RBFOX1: variants seen among roughly 807,000 people sequenced by gnomAD.
RBFOX1 encodes the protein RNA binding protein fox-1 homolog 1.
In RBFOX1, 8 loss-of-function variants were observed where a neutral mutation model predicts 57.7. The ratio of observed to expected loss-of-function variants is 0.14; its 90% CI spans 0.08 to 0.25. The LOEUF (loss-of-function observed/expected upper bound fraction) is 0.25. Among genes scored for constraint, RBFOX1 ranks in the 10% least tolerant of loss-of-function variants. The pLI, the probability that RBFOX1 is intolerant of heterozygous loss-of-function variation, is 1.00. For synonymous variants in RBFOX1, 326 were observed against 222.4 expected (o/e 1.47, Z -4.15); for missense variants, 611 against 548.5 (o/e 1.11, Z -1.14).
At chr16:6,568,126 C>T (rs925443071) in intron 2 of RBFOX1, among the ~76,000 whole-genome samples, 1 of 152,104 alleles carries the variant, frequency 6.6e-6, no homozygotes, top group African/African-American at 2.4e-5. Context: ...TTATCTAATA[C>T]CATGTAACAA....
intron 3 of RBFOX1, among the ~76,000 whole-genome samples, chr16:6,845,740 A>T (rs993046908): frequency 6.6e-6 from 1 of 151,790 alleles, no homozygotes; most frequent in Admixed American, 6.6e-5. Flanking sequence ...CTCCTTCCTG[A>T]CCCCCATACA....
chr16:6,072,245 A>G (rs1031777156), intron 1 of RBFOX1, among the ~76,000 whole-genome samples: 3 of 152,134 alleles, frequency 2.0e-5, no homozygotes, highest in Non-Finnish European at 2.9e-5. Flanking sequence ...CCATGATCCA[A>G]TTACCTCCCA....
intron 2 of RBFOX1, among the ~76,000 whole-genome samples, chr16:6,501,985 C>A (rs1373640845): frequency 6.6e-6 from 1 of 152,172 alleles, no homozygotes; most frequent in Admixed American, 6.5e-5. Context: ...AGTTTACATT[C>A]TTCTAGGGAT....
chr16:5,558,991 A>G (rs2045785500), intron 2 of RBFOX1, among the ~76,000 whole-genome samples: 1 of 151,876 alleles, frequency 6.6e-6, no homozygotes, highest in African/African-American at 2.4e-5. Flanking sequence ...GTGATCCCAC[A>G]CTCTCACACT....
intron 2 of RBFOX1, among the ~76,000 whole-genome samples, chr16:5,474,070 A>G (rs925471721): frequency 1.3e-5 from 2 of 152,118 alleles, no homozygotes; most frequent in African/African-American, 4.8e-5. Flanking sequence ...GGGTGCATGG[A>G]CAGACAAGTG....
At chr16:6,468,032 G>A (rs1414704580) in intron 2 of RBFOX1, among the ~76,000 whole-genome samples, 1 of 152,154 alleles carries the variant, frequency 6.6e-6, no homozygotes, top group East Asian at 1.9e-4. Context: ...ACCAGAGAAG[G>A]AGAGTCTGTG....
At chr16:6,654,127 G>C (rs1448773566) in intron 2 of RBFOX1, among the ~76,000 whole-genome samples, 1 of 151,784 alleles carries the variant, frequency 6.6e-6, no homozygotes, top group South Asian at 2.1e-4. Context: ...TGGATGGGTA[G>C]AGGACCAATG....
At chr16:7,077,361 A>G (rs1378676857) in intron 4 of RBFOX1, among the ~76,000 whole-genome samples, 1 of 152,172 alleles carries the variant, frequency 6.6e-6, no homozygotes, top group Non-Finnish European at 1.5e-5. Flanking sequence ...TTACGTGATG[A>G]ATTTTCCTAC....
At chr16:6,370,146 C>T (rs1179383313) in intron 2 of RBFOX1, among the ~76,000 whole-genome samples, 3 of 151,866 alleles carry the variant, frequency 2.0e-5, no homozygotes. Flanking sequence ...ATCATGAGAT[C>T]AGGAGATCGA....
chr16:7,087,986 A>C (rs915881554), intron 4 of RBFOX1, among the ~76,000 whole-genome samples: 1 of 152,160 alleles, frequency 6.6e-6, no homozygotes, highest in African/African-American at 2.4e-5. Flanking sequence ...CATTTTGTGT[A>C]AGGTGATTAT....
chr16:5,965,292 T>G (rs1376667279), intron 4 of RBFOX1, among the ~76,000 whole-genome samples: 3 of 152,212 alleles, frequency 2.0e-5, no homozygotes, highest in Non-Finnish European at 2.9e-5. Context: ...AGAGTAGACC[T>G]CAAATGTTCT....
At chr16:7,256,728 T>C (rs963113914) in intron 4 of RBFOX1, among the ~76,000 whole-genome samples, 18 of 152,168 alleles carry the variant, frequency 1.2e-4, no homozygotes, top group African/African-American at 1.9e-4. Context: ...CCCAGGGCCA[T>C]GTTCACTGGT....
chr16:5,876,752 G>A (rs531623568), intron 4 of RBFOX1, among the ~76,000 whole-genome samples: 1 of 152,100 alleles, frequency 6.6e-6, no homozygotes, highest in East Asian at 1.9e-4. Flanking sequence ...GTGCTCCCGG[G>A]CTCATACTTC....
At chr16:7,194,749 C>T (rs1186961747) in intron 4 of RBFOX1, among the ~76,000 whole-genome samples, 3 of 148,830 alleles carry the variant, frequency 2.0e-5, no homozygotes, top group Non-Finnish European at 4.4e-5. Context: ...GGAATATAGT[C>T]AAACCTCATC....
intron 2 of RBFOX1, among the ~76,000 whole-genome samples, chr16:5,580,224 G>T (rs1424854610): frequency 1.3e-5 from 2 of 152,236 alleles, no homozygotes; most frequent in Non-Finnish European, 2.9e-5. Flanking sequence ...ATGAATAACA[G>T]TTGGGCCTGA....
intron 4 of RBFOX1, among the ~76,000 whole-genome samples, chr16:5,966,305 G>C (rs2059842303): frequency 6.6e-6 from 1 of 152,212 alleles, no homozygotes; most frequent in Admixed American, 6.5e-5. Context: ...TTGGCTCATG[G>C]TTCTGCAGGC....
intron 4 of RBFOX1, among the ~76,000 whole-genome samples, chr16:7,473,033 A>T (rs1196278374): frequency 6.6e-6 from 1 of 152,154 alleles, no homozygotes; most frequent in Non-Finnish European, 1.5e-5. Context: ...TTCAAAAAGC[A>T]GAAGAATGTC....
rs917738628 is a variant in RBFOX1 at position 7,485,614 on chromosome 16, G to T, written c.28-32533G>T. On this transcript the variant is annotated intron_variant, in intron 4 of 15. Coordinates refer to ENST00000550418, the MANE Select transcript of RBFOX1 (RefSeq NM_018723.4). ...CCCCAGGCAAGAGCCCATACCTCAA[G>T]ATTATAAAGAGAGGTTTTAAATAGA... Among the ~76,000 whole-genome samples, 3 of 152,172 alleles carry T rather than the reference G, an allele frequency of 2.0e-5. 1 individual carries two copies. In the South Asian group the frequency reaches 6.2e-4, roughly 32 times the overall value.
At chr16:7,390,923 G>T (rs1414799588) in intron 4 of RBFOX1, among the ~76,000 whole-genome samples, 1 of 152,126 alleles carries the variant, frequency 6.6e-6, no homozygotes, top group East Asian at 1.9e-4. Flanking sequence ...AAAAGATCCA[G>T]GGAGAAGGAT....
Sources: allele counts gnomAD v4.1 joint callset (sites outside exome capture counted in the v4.1 genomes callset), GRCh38; gene constraint gnomAD v4.1.1; transcripts MANE v1.5; gene names NCBI Gene and HGNC (gene_info 2026-07-23, HGNC 2026-07-21).